Variants in ERC2 observed in about 807,000 individuals in gnomAD.
ERC2 encodes the protein ERC protein 2.
In ERC2, 42 loss-of-function variants were observed where a neutral mutation model predicts 114.8. The observed-to-expected ratio is 0.37, with a 90% CI of 0.29 to 0.47. The LOEUF (loss-of-function observed/expected upper bound fraction) is 0.47. ERC2 is among the 20% of genes least tolerant of loss of function. ERC2 has a pLI of 0.99. For synonymous variants in ERC2, 454 were observed against 425.5 expected (o/e 1.07, Z -0.82); for missense variants, 939 against 1,150.7 (o/e 0.82, Z 2.66).
In ERC2 at chr3:56,452,042, A is replaced by G. The variant is rs113515523; in HGVS notation, c.-141+16206T>C. Among the ~76,000 whole-genome samples the G allele has an allele frequency of 2.2e-3, 332 of 152,366 alleles. 1 individual carries two copies. Among genetic ancestry groups the G allele is most frequent in the African/African-American group, 7.6e-3 (317 of 41,586 alleles). Reference sequence around the variant, plus strand: ...AGAACTAAGGAGGGAAGTCAGATCCATAGTTATGCATATTAAAGAATCTGC... The same window carrying G: ...AGAACTAAGGAGGGAAGTCAGATCCGTAGTTATGCATATTAAAGAATCTGC... On this transcript the variant is annotated intron_variant, in intron 1 of 17. Transcript: ENST00000288221.
At chr3:55,617,862 C>T (rs1184891015) in intron 17 of ERC2, among the ~76,000 whole-genome samples, 2 of 152,202 alleles carry the variant, frequency 1.3e-5, no homozygotes, top group African/African-American at 4.8e-5. Flanking sequence ...GAAGTGGGGC[C>T]ACTTGACTCT....
chr3:55,521,321 G>A (rs980738736), intron 17 of ERC2, among the ~76,000 whole-genome samples: 8 of 152,210 alleles, frequency 5.3e-5, no homozygotes, highest in African/African-American at 1.7e-4. Context: ...CCAGCCTTTT[G>A]AGCAATTTAA....
At position 56,440,550 on chromosome 3, in the gene ERC2, A is replaced by G. The variant is rs1272791062; in HGVS notation, c.-140-5403T>C. On this transcript the variant is annotated intron_variant, in intron 1 of 17. Coordinates refer to ENST00000288221, the MANE Select transcript of ERC2 (RefSeq NM_015576.3). Reference sequence around the variant, plus strand: ...GCAACAGTGCAAGACTCTGTCTCAAAAAAAAAAAAAAAAAAGAATGGGCTT... The same window carrying G: ...GCAACAGTGCAAGACTCTGTCTCAAGAAAAAAAAAAAAAAAGAATGGGCTT... Among the ~76,000 whole-genome samples the G allele has an allele frequency of 2.7e-5, 4 of 148,708 alleles. No individual in the cohort carries two copies. The East Asian group carries it at 7.8e-4, about 29-fold the overall frequency.
At chr3:56,206,835 A>G (rs909487090) in intron 3 of ERC2, among the ~76,000 whole-genome samples, 2 of 152,216 alleles carry the variant, frequency 1.3e-5, no homozygotes, top group African/African-American at 4.8e-5. Flanking sequence ...TGTTATGCAT[A>G]TCTTTACTTA....
At chr3:56,156,331 T>C (rs897464028) in intron 4 of ERC2, among the ~76,000 whole-genome samples, 14 of 152,262 alleles carry the variant, frequency 9.2e-5, no homozygotes, top group Admixed American at 3.3e-4. Context: ...GGTAGTTTCA[T>C]CGGAGTTGTG....
intron 7 of ERC2, among the ~76,000 whole-genome samples, chr3:56,076,121 A>G (rs1420592889): frequency 1.3e-5 from 2 of 152,106 alleles, no homozygotes; most frequent in Non-Finnish European, 2.9e-5. Context: ...AGGGCAATCC[A>G]CAAAGTTCAG....
intron 17 of ERC2, among the ~76,000 whole-genome samples, chr3:55,621,472 A>G (rs1040141352): frequency 1.3e-5 from 2 of 152,198 alleles, no homozygotes; most frequent in Non-Finnish European, 2.9e-5. Flanking sequence ...AATATCGCTT[A>G]TCTACTACTG....
chr3:56,301,237 G>T (rs2055854063), intron 2 of ERC2, among the ~76,000 whole-genome samples: 1 of 152,180 alleles, frequency 6.6e-6, no homozygotes, highest in African/African-American at 2.4e-5. Flanking sequence ...GCATGATGAA[G>T]CAATCTCATA....
chr3:56,339,375 G>A (rs952025344), intron 2 of ERC2, among the ~76,000 whole-genome samples: 9 of 152,076 alleles, frequency 5.9e-5, no homozygotes, highest in Non-Finnish European at 1.2e-4. Flanking sequence ...CAAGGCAACA[G>A]GGGCAGCTTG....
chr3:56,050,944 T>C (rs2075734020), intron 7 of ERC2, among the ~76,000 whole-genome samples: 1 of 152,208 alleles, frequency 6.6e-6, no homozygotes, highest in Non-Finnish European at 1.5e-5. Context: ...GAACAGCTCC[T>C]TGATTCTTCT....
intron 13 of ERC2, among the ~76,000 whole-genome samples, chr3:55,950,078 T>C (rs2067395776): frequency 6.6e-6 from 1 of 152,238 alleles, no homozygotes; most frequent in Non-Finnish European, 1.5e-5. Flanking sequence ...ATTTGCCTTC[T>C]TCTATTCCCA....
At chr3:55,727,348 C>A (rs879389601) in intron 15 of ERC2, among the ~76,000 whole-genome samples, 1 of 151,782 alleles carries the variant, frequency 6.6e-6, no homozygotes, top group African/African-American at 2.4e-5. Context: ...TAAAAAGAAG[C>A]GAAGTAAAAG....
At position 56,434,638 on chromosome 3, in the gene ERC2, G is replaced by C. The variant is rs115905929; in HGVS notation, c.370C>G (p.Leu124Val). ...TGGTGATGATGGGATGAGCCAGTCA[G>C]CCCACCATGTTGATCTGTGTATGAA... Reference protein sequence around the residue: ...VLSYTDQHGGLTGSSHHHHHQ... With the variant: ...VLSYTDQHGGVTGSSHHHHHQ... The change falls in exon 2 of 18, where the codon CTG (leucine) becomes GTG (valine). Residue 124 changes from leucine to valine, a missense_variant. Coordinates refer to ENST00000288221, the MANE Select transcript of ERC2 (RefSeq NM_015576.3). The C allele has an allele frequency of 1.2e-6, 2 of 1,613,932 alleles. No homozygotes were observed. The highest frequency in any genetic ancestry group is 1.7e-5 in the Admixed American group (1 of 60,022).
chr3:56,138,669 G>A (rs1370189676), intron 6 of ERC2, among the ~76,000 whole-genome samples: 4 of 152,204 alleles, frequency 2.6e-5, no homozygotes, highest in Admixed American at 6.5e-5. Context: ...GAGAGAGCAT[G>A]CATGTTGATT....
At chr3:55,742,615 A>G (rs1318215425) in intron 14 of ERC2, among the ~76,000 whole-genome samples, 6 of 152,058 alleles carry the variant, frequency 3.9e-5, no homozygotes, top group Admixed American at 6.6e-5. Flanking sequence ...TTGTGGGGGG[A>G]AAAAGTCCGC....
intron 2 of ERC2, among the ~76,000 whole-genome samples, chr3:56,371,557 C>A (rs1222538537): frequency 6.6e-6 from 1 of 152,224 alleles, no homozygotes; most frequent in African/African-American, 2.4e-5. Context: ...ACACTACACC[C>A]AACCACATGC....
At chr3:55,564,194 G>A (rs72870464) in intron 17 of ERC2, among the ~76,000 whole-genome samples, 1,729 of 152,230 alleles carry the variant, frequency 0.011, 34 homozygotes, top group African/African-American at 0.039. Context: ...TTTTGAAGAC[G>A]GAGAGATCTG....
intron 2 of ERC2, among the ~76,000 whole-genome samples, chr3:56,346,608 A>G (rs1367260107): frequency 6.6e-6 from 1 of 152,224 alleles, no homozygotes; most frequent in Non-Finnish European, 1.5e-5. Flanking sequence ...CTTTATTTAC[A>G]TAAATATGCA....
intron 12 of ERC2, among the ~76,000 whole-genome samples, chr3:55,951,736 C>G (rs747533339): frequency 6.6e-6 from 1 of 152,008 alleles, no homozygotes; most frequent in Non-Finnish European, 1.5e-5. Flanking sequence ...CCAGGTCAAC[C>G]ACTGTTACTG....
Sources: gnomAD v4.1 joint callset for allele counts (sites outside exome capture counted in the v4.1 genomes callset) on GRCh38, gnomAD v4.1.1 for gene constraint, MANE v1.5 for transcripts, NCBI Gene and HGNC (gene_info 2026-07-23, HGNC 2026-07-21) for gene names.